Variants in UBN1 observed in about 807,000 individuals in gnomAD.
The protein encoded by UBN1 is ubinuclein 1.
Under a neutral mutation model 108.5 loss-of-function variants are expected in UBN1, and 17 were observed. The ratio of observed to expected loss-of-function variants is 0.16; its 90% CI spans 0.11 to 0.24. The LOEUF (loss-of-function observed/expected upper bound fraction) is 0.24, where lower values mean the gene tolerates loss of function less well. Ranked by LOEUF, UBN1 falls within the 10% of genes least tolerant of loss-of-function variation. The pLI is 1.00. For missense variants in UBN1, 1,595 were observed against 1,394.4 expected, an observed-to-expected ratio of 1.14 and a Z score of -2.29; for synonymous variants, 726 against 564.2, an observed-to-expected ratio of 1.29 and a Z score of -4.07.
chr16:4,867,024 C>A (rs1385526300), intron 7 of UBN1, among the ~76,000 whole-genome samples: 1 of 152,136 alleles, frequency 6.6e-6, no homozygotes, highest in East Asian at 1.9e-4. Flanking sequence ...GGGAAGATGC[C>A]CTAAGAGAAG....
At chr16:4,848,652 A>G (rs968322404) in intron 1 of UBN1, among the ~76,000 whole-genome samples, 14 of 152,198 alleles carry the variant, frequency 9.2e-5, no homozygotes, top group Non-Finnish European at 1.5e-4. Flanking sequence ...AGCTGCACGG[A>G]CTGTCATTTA....
intron 1 of UBN1, among the ~76,000 whole-genome samples, chr16:4,851,827 A>C (rs1409915497): frequency 6.6e-6 from 1 of 152,194 alleles, no homozygotes; most frequent in Non-Finnish European, 1.5e-5. Context: ...AGCTCAAAAA[A>C]AAAAGAAAAA....
At chr16:4,858,825 C>A in intron 4 of UBN1, 162 bp downstream of exon 4, 1 of 939,098 alleles carries the variant, frequency 1.1e-6, no homozygotes, top group Non-Finnish European at 1.6e-6. Context: ...TTATCCGGGT[C>A]TTAGTTCCCT....
chr16:4,847,489 C>T lies in UBN1; in HGVS notation c.-761C>T, dbSNP rs972880486. ...GGAGCGCAGAGACTCCCGGCTCCTT[C>T]CCCCTCCCTTCGGCTCGTGACAACG... On this transcript the variant is annotated 5_prime_UTR_variant, in exon 1 of 18. Coordinates refer to ENST00000262376, the MANE Select transcript of UBN1 (RefSeq NM_001079514.3). 16 of 578,816 alleles carry T rather than the reference C, an allele frequency of 2.8e-5. No homozygotes were observed. Among genetic ancestry groups the T allele is most frequent in the East Asian group, 3.5e-5 (1 of 28,548 alleles). The allele number at this position is 578,816 out of a possible 1,614,324, so 35.9% of individuals were successfully genotyped here.
In UBN1 at chr16:4,874,511, G is replaced by T; in HGVS notation, c.2101G>T (p.Ala701Ser). Residue 701 changes from alanine (A) to serine (S), a missense_variant, in exon 15 of 18, where the codon GCA (alanine) becomes TCA (serine). Around this residue, in one of 3 missense-constraint regions of UBN1, gnomAD observed 1,398 missense variants for 1,194.7 expected, o/e 1.17. Coordinates refer to ENST00000262376, the MANE Select transcript of UBN1 (RefSeq NM_001079514.3). The stretch of plus-strand genomic sequence containing the variant: ...ATTCACACTGCCTGCACCCTCAAAA[G>T]CACCTGCAGAAAAAGTTGGAGGCGT... ...SEFTLPAPSKAPAEKVGGVLC... is the reference protein window; with the variant it reads ...SEFTLPAPSKSPAEKVGGVLC... 2 of 1,614,182 alleles carry T rather than the reference G, an allele frequency of 1.2e-6. No individual in the cohort carries two copies. Among genetic ancestry groups the T allele is most frequent in the Non-Finnish European group, 1.7e-6 (2 of 1,180,018 alleles).
rs200733021 is a variant in UBN1, at chr16:4,874,863, C to T, written c.2453C>T (p.Thr818Met). Residue 818 changes from threonine to methionine, a missense_variant, in exon 15 of 18, where the codon ACG (threonine) becomes ATG (methionine). Thr to Met is a moderately conservative substitution (Grantham distance 81). Around this residue, in one of 3 missense-constraint regions of UBN1, gnomAD observed 1,398 missense variants for 1,194.7 expected, o/e 1.17. Transcript: ENST00000262376. ...GGCACTCAGCAGCAGAAAAACTTCA[C>T]GCCCCCATCTCCATTTGCCAATAAG... Reference protein sequence around the residue: ...HAGTQQQKNFTPPSPFANKLQ... With the variant: ...HAGTQQQKNFMPPSPFANKLQ... The T allele has an allele frequency of 2.9e-5, 47 of 1,614,054 alleles. No individual in the cohort carries two copies. In the African/African-American group the frequency reaches 3.5e-4, roughly 12 times the overall value.
chr16:4,872,849 G>A, intron 12 of UBN1, 35 bp from the exon 13 acceptor site: 3 of 1,613,382 alleles, frequency 1.9e-6, no homozygotes, highest in Non-Finnish European at 2.5e-6. Context: ...GCTTTCTGGG[G>A]CATGTACAGA....
Position 4,873,030 on chromosome 16 carries a change from G to C in UBN1, c.1758-1G>C. On this transcript the variant is annotated splice_acceptor_variant, in intron 13 of 17. Transcript: ENST00000262376. LOFTEE classifies it high-confidence loss of function. ...TTTTCTGTGCTCATTCCTTTGAACA[G>C]GGCCAAGAAGAAAGTTATGGCCCCT... The C allele has an allele frequency of 6.2e-7, 1 of 1,614,114 alleles. No individual in the cohort carries two copies. The highest frequency in any genetic ancestry group is 8.5e-7 in the Non-Finnish European group (1 of 1,180,026).
chr16:4,850,651 G>A (rs1039491620), intron 1 of UBN1, among the ~76,000 whole-genome samples: 2 of 152,164 alleles, frequency 1.3e-5, no homozygotes, highest in Non-Finnish European at 1.5e-5. Context: ...TCGTTTTGCC[G>A]CCTGATTAGA....
Position 4,870,850 on chromosome 16 carries a change from G to A in UBN1, c.1437G>A (p.Leu479=). The change falls in exon 11 of 18, where the codon CTG becomes CTA. Residue 479 remains leucine, a synonymous_variant. Coordinates refer to ENST00000262376, the MANE Select transcript of UBN1 (RefSeq NM_001079514.3). ...AHTQAKVAKM[L]EEEKDKEQRD... is the part of the protein sequence containing the mutation. ...AATTCTATTCACCCCGTAGGATGCTGGAAGAGGAGAAAGACAAGGAGCAGA... is the reference window on the plus strand; with the variant it reads ...AATTCTATTCACCCCGTAGGATGCTAGAAGAGGAGAAAGACAAGGAGCAGA... 2 of 1,613,910 alleles carry A rather than the reference G, an allele frequency of 1.2e-6. No individual in the cohort carries two copies. Among genetic ancestry groups the A allele is most frequent in the Non-Finnish European group, 8.5e-7 (1 of 1,179,898 alleles).
rs777190535 is a variant in UBN1 at position 4,870,209 on chromosome 16, C to T, written c.1182-3C>T. The T allele has an allele frequency of 1.2e-6, 2 of 1,614,182 alleles. No homozygotes were observed. Among genetic ancestry groups the T allele is most frequent in the South Asian group, 2.2e-5 (2 of 91,076 alleles). On this transcript the variant is annotated splice_region_variant and splice_polypyrimidine_tract_variant and intron_variant, in intron 8 of 17. Coordinates refer to ENST00000262376, the MANE Select transcript of UBN1 (RefSeq NM_001079514.3). ...CCGGTGGTGACTGTGTTTTGTTCTT[C>T]AGCATAGAGGCGCAGACTCGGGAGC...
At position 4,847,603 on chromosome 16, in the gene UBN1, C is replaced by T. The variant is rs533151151; in HGVS notation, c.-647C>T. The T allele has an allele frequency of 1.2e-5, 4 of 338,188 alleles. No homozygotes were observed. Among genetic ancestry groups the T allele is most frequent in the Non-Finnish European group, 2.2e-5 (4 of 185,042 alleles). 20.9% of individuals were successfully genotyped at this position (338,188 alleles called of 1,614,324 possible). On this transcript the variant is annotated 5_prime_UTR_variant, in exon 1 of 18. Coordinates refer to ENST00000262376, the MANE Select transcript of UBN1 (RefSeq NM_001079514.3). ...CCGGCCTCGCGGCTCGCCCCGCCCC[C>T]GGGTCTTGGACTCCGCGCCCCTCCC...
At chr16:4,850,641 T>C (rs1271923285) in intron 1 of UBN1, among the ~76,000 whole-genome samples, 1 of 152,250 alleles carries the variant, frequency 6.6e-6, no homozygotes, top group Non-Finnish European at 1.5e-5. Flanking sequence ...ACACTGCTAA[T>C]CGTTTTGCCG....
At chr16:4,875,962 CTTTTTTTT>C (rs35899089) in intron 15 of UBN1, among the ~76,000 whole-genome samples, 7 of 141,212 alleles carry the variant, frequency 5.0e-5, no homozygotes, top group African/African-American at 1.8e-4. Flanking sequence ...TTCTTTTTTT[CTTTTTTTT>C]TTTTTTGAGA....
intron 12 of UBN1, 32 bp downstream of exon 12, chr16:4,871,333 G>C (rs376696136): frequency 6.0e-5 from 96 of 1,607,874 alleles, no homozygotes; most frequent in Non-Finnish European, 7.8e-5. Context: ...GGGCATCTGT[G>C]CAGTCAAGAC....
At position 4,881,714 on chromosome 16, in the gene UBN1, T is replaced by A. The variant is rs1038320514; in HGVS notation, c.*1582T>A. ...CATAAGAACCAATCCGTGTTTCACA[T>A]TGGGCTAAGTGGATTCCTTATCCCT... On this transcript the variant is annotated 3_prime_UTR_variant, in exon 18 of 18. Transcript: ENST00000262376. 1 of 152,308 alleles carries A rather than the reference T, an allele frequency of 6.6e-6. No individual in the cohort carries two copies. Among genetic ancestry groups the A allele is most frequent in the East Asian group, 1.9e-4 (1 of 5,194 alleles). The allele number at this position is 152,308 out of a possible 1,614,324, so 9.4% of individuals were successfully genotyped here. A position where few individuals can be genotyped will look rare whatever the true frequency, so the allele number is the denominator to read the frequency against.
intron 12 of UBN1, 42 bp downstream of exon 12, chr16:4,871,343 C>G: frequency 6.3e-7 from 1 of 1,588,654 alleles, no homozygotes; most frequent in Non-Finnish European, 8.6e-7. Flanking sequence ...GCAGTCAAGA[C>G]ACGTTTGAAC....
In UBN1 at chr16:4,881,046, G is replaced by A. The variant is rs1471318159; in HGVS notation, c.*914G>A. ...TGCCGTCCTGACTAGAAGGTTGTCT[G>A]GGCCCCCAAATTCCAAGTCCCAGTA... On this transcript the variant is annotated 3_prime_UTR_variant, in exon 18 of 18. Coordinates refer to ENST00000262376, the MANE Select transcript of UBN1 (RefSeq NM_001079514.3). The A allele has an allele frequency of 1.3e-5, 2 of 152,492 alleles. No individual in the cohort carries two copies. Among genetic ancestry groups the A allele is most frequent in the African/African-American group, 2.4e-5 (1 of 41,430 alleles). 9.4% of individuals were successfully genotyped at this position (152,492 alleles called of 1,614,324 possible). A position where few individuals can be genotyped will look rare whatever the true frequency, so the allele number is the denominator to read the frequency against.
At chr16:4,852,523 A>G (rs1390525659) in intron 1 of UBN1, 2 of 157,416 alleles carry the variant, frequency 1.3e-5, no homozygotes, top group Non-Finnish European at 2.8e-5. Context: ...GGTCTTAAAG[A>G]TTATTCTCAG....
Sources: gnomAD v4.1 joint callset for allele counts (sites outside exome capture counted in the v4.1 genomes callset) on GRCh38, gnomAD v4.1.1 for gene constraint, gnomAD v4.1.1 regional missense constraint, MANE v1.5 for transcripts, NCBI Gene and HGNC (gene_info 2026-07-23, HGNC 2026-07-21) for gene names.